Variants in VPS37A observed in about 807,000 individuals in gnomAD.
The protein encoded by VPS37A is VPS37A subunit of ESCRT-I, also known as vacuolar protein sorting-associated protein 37A.
Under a neutral mutation model 49.8 loss-of-function variants are expected in VPS37A, and 30 were observed. The ratio of observed to expected loss-of-function variants is 0.60; its 90% CI spans 0.45 to 0.82. VPS37A has a LOEUF of 0.82. Ranked by LOEUF, VPS37A falls within the 40% of genes least tolerant of loss-of-function variation. The pLI is 0.00. For missense variants in VPS37A, 593 were observed against 464.4 expected (o/e 1.28, Z -2.55); for synonymous variants, 195 against 160.6 (o/e 1.21, Z -1.62).
chr8:17,328,245 G>T, the VPS37A span, among the ~76,000 whole-genome samples: 1 of 152,008 alleles, frequency 6.6e-6, no homozygotes, highest in Non-Finnish European at 1.5e-5. Flanking sequence ...TGTCCCAGTG[G>T]GGCACACCCT....
At chr8:17,284,427 C>T in intron 9 of VPS37A, 46 bp from the exon 10 acceptor site, 1 of 1,537,038 alleles carries the variant, frequency 6.5e-7, no homozygotes, top group Non-Finnish European at 8.7e-7. Context: ...GTGAGGAGTT[C>T]TTGTGAGTAT....
chr8:17,249,029 A>C (rs1811732792), intron 1 of VPS37A, among the ~76,000 whole-genome samples: 1 of 152,218 alleles, frequency 6.6e-6, no homozygotes, highest in Admixed American at 6.5e-5. Context: ...CTATATACCA[A>C]ACCAGTCCTG....
At chr8:17,252,807 G>C (rs2150347265) in intron 1 of VPS37A, among the ~76,000 whole-genome samples, 1 of 152,264 alleles carries the variant, frequency 6.6e-6, no homozygotes, top group South Asian at 2.1e-4. Context: ...ACATTAACTT[G>C]TAATAAAAAA....
At chr8:17,275,787 A>G (rs1247184557) in intron 5 of VPS37A, among the ~76,000 whole-genome samples, 1 of 152,196 alleles carries the variant, frequency 6.6e-6, no homozygotes, top group Non-Finnish European at 1.5e-5. Flanking sequence ...TAGTATATCC[A>G]ACATTACTAA....
At chr8:17,306,533 A>G (rs1437278490), downstream of VPS37A, among the ~76,000 whole-genome samples, 1 of 152,200 alleles carries the variant, frequency 6.6e-6, no homozygotes, top group African/African-American at 2.4e-5. Context: ...GCTTTTCAAG[A>G]GCACATCAGA....
chr8:17,258,359 A>G (rs113109773), intron 1 of VPS37A, among the ~76,000 whole-genome samples: 4,144 of 152,100 alleles, frequency 0.027, 166 homozygotes, highest in African/African-American at 0.093. Flanking sequence ...ATCACAAAGG[A>G]TTTTATTGAG....
chr8:17,328,959 T>C, the VPS37A span, among the ~76,000 whole-genome samples: 1 of 152,232 alleles, frequency 6.6e-6, no homozygotes, highest in Non-Finnish European at 1.5e-5. Context: ...ACACAGGATG[T>C]GAACTTGGTC....
chr8:17,264,539 C>A (rs571205271), intron 1 of VPS37A, among the ~76,000 whole-genome samples: 1 of 152,150 alleles, frequency 6.6e-6, no homozygotes, highest in African/African-American at 2.4e-5. Context: ...GAAAGCTTAT[C>A]TACATCTACA....
intron 1 of VPS37A, among the ~76,000 whole-genome samples, chr8:17,258,930 A>G (rs1463787429): frequency 6.6e-6 from 1 of 151,934 alleles, no homozygotes; most frequent in East Asian, 1.9e-4. Flanking sequence ...GATTCTTTAT[A>G]GTTCTGTGGT....
At chr8:17,331,543 G>C in the VPS37A span, among the ~76,000 whole-genome samples, 8 of 152,322 alleles carry the variant, frequency 5.3e-5, no homozygotes, top group East Asian at 1.5e-3. Context: ...AACCCTTCTG[G>C]AGATGTCACT....
At chr8:17,247,954 A>T (rs1359769638) in intron 1 of VPS37A, 2 of 587,290 alleles carry the variant, frequency 3.4e-6, no homozygotes, top group Non-Finnish European at 6.0e-6. Context: ...TACATTTCTC[A>T]CTTCTTTCAT....
intron 6 of VPS37A, 128 bp from the exon 7 acceptor site, chr8:17,279,900 C>G (rs537819710): frequency 8.8e-7 from 1 of 1,142,718 alleles, no homozygotes; most frequent in Non-Finnish European, 1.3e-6. Context: ...AACTGGCAGC[C>G]TTAGGTGTAT....
downstream of VPS37A, among the ~76,000 whole-genome samples, chr8:17,306,678 G>A (rs1262556116): frequency 6.6e-6 from 1 of 152,134 alleles, no homozygotes; most frequent in African/African-American, 2.4e-5. Flanking sequence ...AGAACCCCGT[G>A]TTAGTAAGAG....
At chr8:17,294,244 T>G (rs926302336) in intron 11 of VPS37A, among the ~76,000 whole-genome samples, 1 of 152,098 alleles carries the variant, frequency 6.6e-6, no homozygotes, top group Non-Finnish European at 1.5e-5. Flanking sequence ...GAGGCTTTGT[T>G]TACACTGTGA....
chr8:17,330,955 C>T, the VPS37A span, among the ~76,000 whole-genome samples: 50,530 of 152,080 alleles, frequency 0.33, 10,140 homozygotes, highest in African/African-American at 0.55. Context: ...AACCACCAAG[C>T]GACAAAACCA....
chr8:17,322,349 A>G, the VPS37A span, among the ~76,000 whole-genome samples: 4 of 152,210 alleles, frequency 2.6e-5, no homozygotes, highest in Non-Finnish European at 1.5e-5. Flanking sequence ...CCAATGGCCT[A>G]AAGAAAATCA....
downstream of VPS37A, among the ~76,000 whole-genome samples, chr8:17,306,518 G>A (rs969688593): frequency 6.6e-6 from 1 of 152,064 alleles, no homozygotes; most frequent in African/African-American, 2.4e-5. Flanking sequence ...ATCTCCCATT[G>A]CTTTGCTTTT....
intron 9 of VPS37A, among the ~76,000 whole-genome samples, chr8:17,283,648 T>C (rs1278914246): frequency 1.3e-5 from 2 of 152,106 alleles, no homozygotes; most frequent in Non-Finnish European, 2.9e-5. Context: ...TGGTTGAAAA[T>C]CATTTGGCCA....
chr8:17,267,509 T>A (rs781381684), intron 2 of VPS37A, among the ~76,000 whole-genome samples: 5 of 152,098 alleles, frequency 3.3e-5, no homozygotes, highest in Non-Finnish European at 7.4e-5. Context: ...GTTCTTTACG[T>A]GAAACCATGT....
Sources: gnomAD v4.1 joint callset for allele counts (sites outside exome capture counted in the v4.1 genomes callset) on GRCh38, gnomAD v4.1.1 for gene constraint, MANE v1.5 for transcripts, NCBI Gene and HGNC (gene_info 2026-07-23, HGNC 2026-07-21) for gene names.